The following CNTNAP2 variants were observed in gnomAD, a reference collection of about 807,000 sequenced individuals.
CNTNAP2 encodes contactin-associated protein-like 2.
In CNTNAP2, 98 loss-of-function variants were observed where a neutral mutation model predicts 155.2. That is an observed-to-expected ratio of 0.63 (90% CI 0.54 to 0.75). The LOEUF (loss-of-function observed/expected upper bound fraction) is 0.75, where lower values mean the gene tolerates loss of function less well. CNTNAP2 is among the 30% of genes least tolerant of loss of function. CNTNAP2 has a pLI of 0.00. For missense variants in CNTNAP2, 1,727 were observed against 1,688.1 expected (o/e 1.02, Z -0.40); for synonymous variants, 651 against 631.2 (o/e 1.03, Z -0.47).
At chr7:146,619,808 T>G (rs918502082) in intron 1 of CNTNAP2, among the ~76,000 whole-genome samples, 6 of 152,216 alleles carry the variant, frequency 3.9e-5, no homozygotes, top group African/African-American at 1.4e-4. Context: ...TGTTCAGTTT[T>G]GATAGGTTTT....
intron 21 of CNTNAP2, among the ~76,000 whole-genome samples, chr7:148,357,318 C>T (rs1798535673): frequency 6.6e-6 from 1 of 152,166 alleles, no homozygotes; most frequent in African/African-American, 2.4e-5. Flanking sequence ...GATTGTGAGG[C>T]CTCCCCAGCC....
At chr7:146,737,872 G>C (rs1801647973) in intron 1 of CNTNAP2, among the ~76,000 whole-genome samples, 1 of 151,942 alleles carries the variant, frequency 6.6e-6, no homozygotes. Flanking sequence ...CGTGCATATA[G>C]ATAGATATAC....
rs572423099 is a variant in CNTNAP2, at chr7:146,197,533, T to G, written c.97+80560T>G. Among the ~76,000 whole-genome samples, 3 of 152,294 alleles carry G rather than the reference T, an allele frequency of 2.0e-5. No homozygotes were observed. In the South Asian group the frequency reaches 6.2e-4, roughly 32 times the overall value. On this transcript the variant is annotated intron_variant, in intron 1 of 23. Transcript: ENST00000361727. Reference sequence around the variant, plus strand: ...GTAGATTTTTGTTCCATGATACTATTTTAAAATGTACTCAAAGCTTGCAGG... The same window carrying G: ...GTAGATTTTTGTTCCATGATACTATGTTAAAATGTACTCAAAGCTTGCAGG...
At chr7:147,745,103 T>A (rs971476999) in intron 13 of CNTNAP2, among the ~76,000 whole-genome samples, 7 of 152,172 alleles carry the variant, frequency 4.6e-5, no homozygotes, top group Admixed American at 3.3e-4. Flanking sequence ...GGACTGAGAA[T>A]CAGGTTGTTT....
intron 14 of CNTNAP2, among the ~76,000 whole-genome samples, chr7:147,956,341 C>T (rs185274941): frequency 3.7e-4 from 56 of 150,136 alleles, no homozygotes; most frequent in Non-Finnish European, 6.2e-4. Context: ...GCACATCAAT[C>T]GAACTGTTTT....
intron 17 of CNTNAP2, 34 bp from the exon 18 acceptor site, chr7:148,172,208 T>G: frequency 1.3e-6 from 2 of 1,579,862 alleles, no homozygotes; most frequent in Non-Finnish European, 1.7e-6. Flanking sequence ...CAGAGGTTAT[T>G]CCCTCTGAAC....
intron 4 of CNTNAP2, among the ~76,000 whole-genome samples, chr7:147,102,226 C>A (rs1800670643): frequency 7.0e-6 from 1 of 142,008 alleles, no homozygotes; most frequent in African/African-American, 2.8e-5. Context: ...ACTGCCACTG[C>A]ACAAAGCTCT....
chr7:147,232,742 TA>T (rs1206156766), intron 8 of CNTNAP2, among the ~76,000 whole-genome samples: 1 of 152,080 alleles, frequency 6.6e-6, no homozygotes, highest in African/African-American at 2.4e-5. Flanking sequence ...GAAAAAAACG[TA>T]GGGGGAAACT....
chr7:148,235,709 C>A (rs1362215578), intron 20 of CNTNAP2, among the ~76,000 whole-genome samples: 1 of 88,784 alleles, frequency 1.1e-5, no homozygotes, highest in Non-Finnish European at 2.2e-5. Context: ...TTTTTTGAGA[C>A]GGAGTCTTGC....
chr7:147,883,068 G>C (rs1292121198), intron 13 of CNTNAP2, among the ~76,000 whole-genome samples: 3 of 152,142 alleles, frequency 2.0e-5, no homozygotes, highest in African/African-American at 7.2e-5. Flanking sequence ...ATGATAGATA[G>C]GGTAGGTGTA....
intron 3 of CNTNAP2, among the ~76,000 whole-genome samples, chr7:146,938,296 A>G (rs1213642377): frequency 6.6e-6 from 1 of 151,856 alleles, no homozygotes; most frequent in Non-Finnish European, 1.5e-5. Context: ...ATTACAATCC[A>G]CAGATAAGTA....
chr7:146,809,055 T>C (rs1220743053), intron 2 of CNTNAP2, among the ~76,000 whole-genome samples: 1 of 152,176 alleles, frequency 6.6e-6, no homozygotes, highest in Non-Finnish European at 1.5e-5. Context: ...TTCAACATAC[T>C]GATTTCAGTT....
intron 12 of CNTNAP2, among the ~76,000 whole-genome samples, chr7:147,567,849 G>T (rs1800203162): frequency 1.3e-5 from 2 of 152,180 alleles, no homozygotes; most frequent in South Asian, 4.1e-4. Context: ...ACTTTGGGAG[G>T]CCAAGGTGGG....
At chr7:146,428,190 G>A (rs1239399382) in intron 1 of CNTNAP2, among the ~76,000 whole-genome samples, 1 of 152,116 alleles carries the variant, frequency 6.6e-6, no homozygotes, top group African/African-American at 2.4e-5. Context: ...ATTGTGAATA[G>A]TGCTGCAATG....
At chr7:146,178,746 C>G (rs1798508162) in intron 1 of CNTNAP2, among the ~76,000 whole-genome samples, 3 of 152,088 alleles carry the variant, frequency 2.0e-5, no homozygotes, top group Non-Finnish European at 4.4e-5. Context: ...TTGAATGGTT[C>G]ACCTACAGGT....
At chr7:146,569,440 T>C (rs1448265428) in intron 1 of CNTNAP2, among the ~76,000 whole-genome samples, 1 of 152,248 alleles carries the variant, frequency 6.6e-6, no homozygotes, top group Non-Finnish European at 1.5e-5. Flanking sequence ...TCAAACTTTA[T>C]CTTGAGTGAA....
chr7:148,349,615 A>G (rs1489501589), intron 21 of CNTNAP2, among the ~76,000 whole-genome samples: 4 of 151,946 alleles, frequency 2.6e-5, no homozygotes, highest in Non-Finnish European at 4.4e-5. Flanking sequence ...GTTAGACAGG[A>G]TGGTCTCGAT....
At chr7:146,545,106 A>T (rs35090909) in intron 1 of CNTNAP2, among the ~76,000 whole-genome samples, 2 of 151,604 alleles carry the variant, frequency 1.3e-5, no homozygotes, top group African/African-American at 4.8e-5. Flanking sequence ...GGTAGGAGGG[A>T]GTATGGAAAG....
chr7:146,305,235 G>T (rs1018750599), intron 1 of CNTNAP2, among the ~76,000 whole-genome samples: 3 of 152,142 alleles, frequency 2.0e-5, no homozygotes, highest in African/African-American at 7.2e-5. Flanking sequence ...TTAGCTCAGA[G>T]AAGTTTGTTG....
Sources: allele counts gnomAD v4.1 joint callset (sites outside exome capture counted in the v4.1 genomes callset), GRCh38; gene constraint gnomAD v4.1.1; transcripts MANE v1.5; gene names NCBI Gene and HGNC (gene_info 2026-07-23, HGNC 2026-07-21).